Variants in ARID2 observed in about 807,000 individuals in gnomAD.
The protein encoded by ARID2 is AT-rich interaction domain 2.
Under a neutral mutation model 184.6 loss-of-function variants are expected in ARID2, and 32 were observed. The observed-to-expected ratio is 0.17, with a 90% CI of 0.13 to 0.23. The LOEUF is 0.23. Among genes scored for constraint, ARID2 ranks in the 10% least tolerant of loss-of-function variants. The pLI, the probability that ARID2 is intolerant of heterozygous loss-of-function variation, is 1.00. For synonymous variants in ARID2, 836 were observed against 772.6 expected (o/e 1.08, Z -1.36); for missense variants, 1,696 against 2,197.6 (o/e 0.77, Z 4.56).
intron 3 of ARID2, among the ~76,000 whole-genome samples, chr12:45,761,630 C>T (rs376636990): frequency 6.6e-6 from 1 of 151,972 alleles, no homozygotes; most frequent in Non-Finnish European, 1.5e-5. Context: ...GCCCCTGCTC[C>T]TCTTGCTAGA....
chr12:45,803,610 A>G (rs1432361189), intron 3 of ARID2, among the ~76,000 whole-genome samples: 1 of 152,124 alleles, frequency 6.6e-6, no homozygotes, highest in Non-Finnish European at 1.5e-5. Flanking sequence ...TATAGTTTAG[A>G]TCTTCTTTTG....
intron 16 of ARID2, among the ~76,000 whole-genome samples, chr12:45,869,026 G>GT (rs60673420): frequency 3.2e-4 from 47 of 148,006 alleles, no homozygotes; most frequent in South Asian, 6.4e-4. Context: ...ATTGCTTTTT[G>GT]TTTTTTTTTT....
chr12:45,809,398 C>A (rs533765285), intron 3 of ARID2, among the ~76,000 whole-genome samples: 4 of 152,108 alleles, frequency 2.6e-5, no homozygotes, highest in Non-Finnish European at 5.9e-5. Flanking sequence ...ATATATTTTT[C>A]TTTCTGTGAT....
intron 3 of ARID2, among the ~76,000 whole-genome samples, chr12:45,765,489 G>A (rs987595961): frequency 2.6e-5 from 4 of 151,030 alleles, no homozygotes; most frequent in Non-Finnish European, 4.4e-5. Flanking sequence ...GGAATTAGAG[G>A]TTTGAACTAC....
intron 15 of ARID2, among the ~76,000 whole-genome samples, chr12:45,855,477 A>C (rs1943630648): frequency 6.6e-6 from 1 of 152,224 alleles, no homozygotes; most frequent in South Asian, 2.1e-4. Context: ...GCATTCTTAT[A>C]TATAGCACTT....
At chr12:45,849,873 T>G in intron 14 of ARID2, 97 bp downstream of exon 14, 1 of 1,412,154 alleles carries the variant, frequency 7.1e-7, no homozygotes, top group South Asian at 1.4e-5. Context: ...ATAACTTTTG[T>G]GTCTCCAGTA....
intron 3 of ARID2, 23 bp from the exon 4 acceptor site, chr12:45,811,395 G>A (rs2138082287): frequency 1.2e-6 from 2 of 1,601,670 alleles, no homozygotes; most frequent in Non-Finnish European, 1.7e-6. Flanking sequence ...TTAAATGTTT[G>A]CTGTGCTGTT....
intron 20 of ARID2, among the ~76,000 whole-genome samples, chr12:45,902,807 C>T (rs536902766): frequency 1.5e-4 from 23 of 152,050 alleles, no homozygotes; most frequent in African/African-American, 5.1e-4. Context: ...CCTCCCAAAG[C>T]GTTTTGTAAA....
intron 3 of ARID2, among the ~76,000 whole-genome samples, chr12:45,743,340 G>C (rs768134679): frequency 1.3e-5 from 2 of 152,142 alleles, no homozygotes; most frequent in Non-Finnish European, 2.9e-5. Flanking sequence ...CTGCCCTCTA[G>C]CCTGGGTGAC....
chr12:45,777,556 C>A (rs1942008363), intron 3 of ARID2, among the ~76,000 whole-genome samples: 1 of 151,826 alleles, frequency 6.6e-6, no homozygotes, highest in Non-Finnish European at 1.5e-5. Flanking sequence ...CAACTGGTGA[C>A]CTTAATTTTT....
intron 16 of ARID2, among the ~76,000 whole-genome samples, chr12:45,869,364 CT>C (rs1565631682): frequency 1.3e-5 from 2 of 151,548 alleles, no homozygotes; most frequent in East Asian, 1.9e-4. Flanking sequence ...ATAGTGAGCA[CT>C]TTTTTTTAGA....
At chr12:45,902,861 A>G (rs548506898) in intron 20 of ARID2, among the ~76,000 whole-genome samples, 7 of 152,336 alleles carry the variant, frequency 4.6e-5, no homozygotes, top group East Asian at 1.9e-4. Context: ...TTTTCCAGAA[A>G]GATCTTAGAA....
At chr12:45,870,665 A>G (rs1943913106) in intron 16 of ARID2, among the ~76,000 whole-genome samples, 1 of 151,704 alleles carries the variant, frequency 6.6e-6, no homozygotes, top group Non-Finnish European at 1.5e-5. Context: ...TACTATTTCT[A>G]TAGTTTTCAT....
rs58544881 is a variant in ARID2 at position 45,801,334 on chromosome 12, T to C, written c.285-10084T>C. 2.7e-5 allele frequency among the ~76,000 whole-genome samples: 3 copies of C among 112,494 alleles called. No homozygotes were observed. In the South Asian group the frequency reaches 7.3e-4, roughly 27 times the overall value. 73.8% of individuals were successfully genotyped at this position (112,494 alleles called of 152,430 possible). On this transcript the variant is annotated intron_variant, in intron 3 of 20. Transcript: ENST00000334344. The stretch of plus-strand genomic sequence containing the variant: ...CTCAAAAAAAGAAAAAAAAAAAAAG[T>C]AAAAAAAGAAAAATTACTTTCACAG...
chr12:45,900,684 A>G (rs1460240211), intron 20 of ARID2, among the ~76,000 whole-genome samples: 1 of 152,094 alleles, frequency 6.6e-6, no homozygotes, highest in East Asian at 1.9e-4. Flanking sequence ...TACTCTCTTC[A>G]TGCAAAAGCA....
chr12:45,830,055 ATTAAT>A (rs1220487174), intron 6 of ARID2, among the ~76,000 whole-genome samples: 2 of 149,254 alleles, frequency 1.3e-5, no homozygotes, highest in Admixed American at 6.7e-5. Flanking sequence ...CTTTTAATAA[ATTAAT>A]TTGAATTATA....
chr12:45,823,319 C>T (rs1185290965), intron 6 of ARID2, among the ~76,000 whole-genome samples: 1 of 151,928 alleles, frequency 6.6e-6, no homozygotes, highest in African/African-American at 2.4e-5. Flanking sequence ...AAGAGGGAAG[C>T]TTATAGCAAT....
At chr12:45,746,674 G>T (rs1203973658) in intron 3 of ARID2, among the ~76,000 whole-genome samples, 1 of 152,026 alleles carries the variant, frequency 6.6e-6, no homozygotes, top group Non-Finnish European at 1.5e-5. Context: ...ACCTCCCTAT[G>T]ACATAGATAC....
chr12:45,730,449 C>T (rs1287666863), intron 2 of ARID2, among the ~76,000 whole-genome samples: 2 of 148,618 alleles, frequency 1.3e-5, no homozygotes, highest in Admixed American at 6.7e-5. Flanking sequence ...GGGGCGCCAG[C>T]CTGAGCCCCG....
Sources: allele counts gnomAD v4.1 joint callset (sites outside exome capture counted in the v4.1 genomes callset), GRCh38; gene constraint gnomAD v4.1.1; transcripts MANE v1.5; gene names NCBI Gene and HGNC (gene_info 2026-07-23, HGNC 2026-07-21).